NOTCH4: variants seen among roughly 807,000 people sequenced by gnomAD.
NOTCH4 encodes notch receptor 4, also known as neurogenic locus notch homolog protein 4.
In NOTCH4, 138 loss-of-function variants were observed where a neutral mutation model predicts 189.0. The observed-to-expected ratio is 0.73, with a 90% CI of 0.64 to 0.84. NOTCH4 has a LOEUF of 0.84. NOTCH4 is among the 40% of genes least tolerant of loss of function. The probability of loss-of-function intolerance (pLI) is 0.00; values close to 1 mark genes in which losing one functional copy is unlikely to be tolerated. For synonymous variants in NOTCH4, 942 were observed against 1,032.8 expected (o/e 0.91, Z 1.69); for missense variants, 2,286 against 2,605.4 (o/e 0.88, Z 2.67).
In NOTCH4 at chr6:32,198,797, C is replaced by A; in HGVS notation, c.4536-67G>T. 1 of 1,515,942 alleles carries A rather than the reference C, an allele frequency of 6.6e-7. No individual in the cohort carries two copies. The highest frequency in any genetic ancestry group is 1.3e-5 in the South Asian group (1 of 78,540). The allele number at this position is 1,515,942 out of a possible 1,614,324, so 93.9% of individuals were successfully genotyped here. A position where few individuals can be genotyped will look rare whatever the true frequency, so the allele number is the denominator to read the frequency against. On this transcript the variant is annotated intron_variant, in intron 24 of 29. Coordinates refer to ENST00000375023, the MANE Select transcript of NOTCH4 (RefSeq NM_004557.4). This position sits in a 1 kb window ranked among gnomAD's most constrained non-coding sequence, Gnocchi z 5.5. ...CCATCAGGGTCTCCAAAATTTCCAGCAGGCTTCCCACCCCTCTCTCCTTCC... is the reference window on the plus strand; with the variant it reads ...CCATCAGGGTCTCCAAAATTTCCAGAAGGCTTCCCACCCCTCTCTCCTTCC...
Position 32,212,988 on chromosome 6 carries a change from A to C in NOTCH4, c.2439-77T>G, listed in dbSNP as rs1183662520. On this transcript the variant is annotated intron_variant, in intron 15 of 29. Transcript: ENST00000375023. This position sits in a 1 kb window ranked among gnomAD's most constrained non-coding sequence, Gnocchi z 4.4. ...GAAGGTAGTGTGTGATATTGTCGGGAGGCAACCACAGGGAGGTGGCAAGCC... is the reference window on the plus strand; with the variant it reads ...GAAGGTAGTGTGTGATATTGTCGGGCGGCAACCACAGGGAGGTGGCAAGCC... 1.4e-6 allele frequency: 2 copies of C among 1,383,648 alleles called. No homozygotes were observed. Among genetic ancestry groups the C allele is most frequent in the Admixed American group, 3.6e-5 (2 of 54,820 alleles). The allele number at this position is 1,383,648 out of a possible 1,614,324, so 85.7% of individuals were successfully genotyped here.
Position 32,197,460 on chromosome 6 carries a change from C to T in NOTCH4, c.4891G>A (p.Val1631Met), listed in dbSNP as rs1425032163. The change falls in exon 27 of 30, where the codon GTG becomes ATG. Residue 1631 changes from valine (V) to methionine (M), a missense_variant. Coordinates refer to ENST00000375023, the MANE Select transcript of NOTCH4 (RefSeq NM_004557.4). The part of the protein sequence containing the change: ...DGGACPQAHT[V>M]GTGETPLHLA... ...TGCAGGGGGGTCTCCCCAGTGCCCA[C>T]GGTGTGAGCCTGGGGACAGGCCCCT... The T allele has an allele frequency of 5.1e-6, 8 of 1,579,508 alleles. No homozygotes were observed. The highest frequency in any genetic ancestry group is 6.9e-6 in the Non-Finnish European group (8 of 1,163,238).
Position 32,201,759 on chromosome 6 carries a change from T to C in NOTCH4, c.3756-259A>G. The C allele has an allele frequency of 2.4e-6, 1 of 413,268 alleles. No homozygotes were observed. The highest frequency in any genetic ancestry group is 4.2e-6 in the Non-Finnish European group (1 of 237,492). 25.6% of individuals were successfully genotyped at this position (413,268 alleles called of 1,614,324 possible). On this transcript the variant is annotated intron_variant, in intron 21 of 29. Coordinates refer to ENST00000375023, the MANE Select transcript of NOTCH4 (RefSeq NM_004557.4). The surrounding 1 kb of genome is among the most constrained non-coding windows in gnomAD (Gnocchi z 5.5). ...GTTTCTAAAGGAGAGTCCCAGGCCC[T>C]TTTCCCTCTGTGAGGTGCTGACTGC...
chr6:32,218,338 C>G lies in NOTCH4; in HGVS notation c.1511-230G>C, dbSNP rs117558297. ...GAACAGGGTGCTTGCTGGGGACCTG[C>G]GGGAGGACTACAAGGCTTTCTGGTG... On this transcript the variant is annotated intron_variant, in intron 8 of 29. Coordinates refer to ENST00000375023, the MANE Select transcript of NOTCH4 (RefSeq NM_004557.4). Among the ~76,000 whole-genome samples the G allele has an allele frequency of 2.3e-3, 351 of 152,238 alleles. 15 individuals carry two copies. In the East Asian group the frequency reaches 0.06, roughly 26 times the overall value.
chr6:32,202,261 G>A lies in NOTCH4; in HGVS notation c.3570C>T (p.Gly1190=). 6.3e-7 allele frequency: 1 copy of A among 1,583,314 alleles called. No individual in the cohort carries two copies. The highest frequency in any genetic ancestry group is 8.6e-7 in the Non-Finnish European group (1 of 1,159,876). ...GRSGDGACDA[G]CSGPGGNWDG... The stretch of plus-strand genomic sequence containing the variant: ...CCCAGTTTCCTCCCGGGCCACTGCA[G>A]CCAGCATCGCAGGCCCCATCTCCAC... Residue 1190 remains glycine (G), a synonymous_variant, in exon 21 of 30, where the codon GGC becomes GGT. Coordinates refer to ENST00000375023, the MANE Select transcript of NOTCH4 (RefSeq NM_004557.4). The surrounding 1 kb of genome is among the most constrained non-coding windows in gnomAD (Gnocchi z 5.7).
At position 32,201,201 on chromosome 6, in the gene NOTCH4, C is replaced by T. The variant is rs1788326102; in HGVS notation, c.4055G>A (p.Gly1352Glu). Residue 1352 changes from glycine (G) to glutamate (E), a missense_variant, in exon 22 of 30, where the codon GGA (glycine) becomes GAA (glutamate). By Grantham distance (98) the Gly-to-Glu change is moderately conservative. Coordinates refer to ENST00000375023, the MANE Select transcript of NOTCH4 (RefSeq NM_004557.4). The surrounding 1 kb of genome is among the most constrained non-coding windows in gnomAD (Gnocchi z 5.5). Reference protein sequence around the residue: ...YPGARAEEKLGGTRDPTYQER... With the variant: ...YPGARAEEKLEGTRDPTYQER... The stretch of plus-strand genomic sequence containing the variant: ...CTGATAGGTGGGGTCCCGAGTTCCT[C>T]CTAGCTTTTCTTCAGCCCGGGCCCC... The T allele has an allele frequency of 6.2e-7, 1 of 1,612,978 alleles. No homozygotes were observed. Among genetic ancestry groups the T allele is most frequent in the Admixed American group, 1.7e-5 (1 of 60,020 alleles).
rs1034091963 is a variant in NOTCH4, at chr6:32,212,801, C to T, written c.2526+23G>A. 146 of 1,505,774 alleles carry T rather than the reference C, an allele frequency of 9.7e-5. No individual in the cohort carries two copies. Among genetic ancestry groups the T allele is most frequent in the Non-Finnish European group, 1.2e-4 (140 of 1,123,602 alleles). 93.3% of individuals were successfully genotyped at this position (1,505,774 alleles called of 1,614,324 possible). A position where few individuals can be genotyped will look rare whatever the true frequency, so the allele number is the denominator to read the frequency against. ...CTCCCAGCCACTTCCCTCCTCAGCACGCCTGACTTCAATGGCCCTCACCTG... is the reference window on the plus strand; with the variant it reads ...CTCCCAGCCACTTCCCTCCTCAGCATGCCTGACTTCAATGGCCCTCACCTG... On this transcript the variant is annotated intron_variant, in intron 16 of 29. Transcript: ENST00000375023. This position sits in a 1 kb window ranked among gnomAD's most constrained non-coding sequence, Gnocchi z 4.4.
At position 32,196,428 on chromosome 6, in the gene NOTCH4, G is replaced by T. The variant is rs576786321; in HGVS notation, c.5201-7C>A. 1.2e-5 allele frequency: 19 copies of T among 1,612,746 alleles called. No individual in the cohort carries two copies. The highest frequency in any genetic ancestry group is 1.6e-5 in the Non-Finnish European group (19 of 1,179,900). ...CAGTGCAGCGCAGTTTTCCCTAGGGGACGACGTGGGAGGTTGTTACCCCAG... is the reference window on the plus strand; with the variant it reads ...CAGTGCAGCGCAGTTTTCCCTAGGGTACGACGTGGGAGGTTGTTACCCCAG... On this transcript the variant is annotated splice_polypyrimidine_tract_variant and splice_region_variant and intron_variant, in intron 28 of 29. Coordinates refer to ENST00000375023, the MANE Select transcript of NOTCH4 (RefSeq NM_004557.4).
In NOTCH4 at chr6:32,201,338, TG is replaced by T. The variant is rs1263727065; in HGVS notation, c.3917del (p.Pro1306GlnfsTer3). The T allele has an allele frequency of 6.2e-7, 1 of 1,611,472 alleles. No homozygotes were observed. The highest frequency in any genetic ancestry group is 8.5e-7 in the Non-Finnish European group (1 of 1,179,048). On this transcript the variant is annotated frameshift_variant, in exon 22 of 30. Transcript: ENST00000375023. LOFTEE classifies it high-confidence loss of function. This position sits in a 1 kb window ranked among gnomAD's most constrained non-coding sequence, Gnocchi z 5.5. ...GGGCAAACAGCTGCTGGTCTAGGGC[TG>T]GGGGGCTCAGTACCACCAGCAGGGC... is the stretch of plus-strand genomic sequence containing the variant. ...SLALLVVLSP[P>X]ALDQQLFALA... is the part of the protein sequence containing the mutation.
rs1399752472 is a variant in NOTCH4, at chr6:32,202,371, C to G, written c.3460G>C (p.Gly1154Arg). 13 of 1,612,752 alleles carry G rather than the reference C, an allele frequency of 8.1e-6. No homozygotes were observed. Among genetic ancestry groups the G allele is most frequent in the Non-Finnish European group, 1.1e-5 (13 of 1,179,930 alleles). Reference sequence around the variant, plus strand: ...GGGCAGGAGCATCGAAAGCCTGGGCCCCCCAAGCCCGTGGTCTCTGAGCAG... The same window carrying G: ...GGGCAGGAGCATCGAAAGCCTGGGCGCCCCAAGCCCGTGGTCTCTGAGCAG... ...GSCSETTGLGGPGFRCSCPHS... is the reference protein window; with the variant it reads ...GSCSETTGLGRPGFRCSCPHS... The change falls in exon 21 of 30, where the codon GGC (glycine) becomes CGC (arginine). Residue 1154 changes from glycine to arginine, a missense_variant. Transcript: ENST00000375023. This position sits in a 1 kb window ranked among gnomAD's most constrained non-coding sequence, Gnocchi z 5.7.
At position 32,199,179 on chromosome 6, in the gene NOTCH4, A is replaced by G. The variant is rs17201728; in HGVS notation, c.4316-34T>C. 171 of 1,475,476 alleles carry G rather than the reference A, an allele frequency of 1.2e-4. 1 individual carries two copies. The African/African-American group carries it at 2.0e-3, about 18-fold the overall frequency. The allele number at this position is 1,475,476 out of a possible 1,614,324, so 91.4% of individuals were successfully genotyped here. ...AGAGACAGAGTCACAAAGAGAGGCC[A>G]CTCCTGGTGAGACTGATTACTATTG... is the stretch of plus-strand genomic sequence containing the variant. On this transcript the variant is annotated intron_variant, in intron 23 of 29. Transcript: ENST00000375023. The surrounding 1 kb of genome is among the most constrained non-coding windows in gnomAD (Gnocchi z 4.9).
chr6:32,214,781 A>G (rs1789298683), intron 12 of NOTCH4, among the ~76,000 whole-genome samples: 1 of 151,954 alleles, frequency 6.6e-6, no homozygotes, highest in Non-Finnish European at 1.5e-5. Context: ...GTGCGCCACC[A>G]TGCCCAGCTA....
chr6:32,224,023 A>G lies in NOTCH4; in HGVS notation c.-95T>C. On this transcript the variant is annotated 5_prime_UTR_variant, in exon 1 of 30. Coordinates refer to ENST00000375023, the MANE Select transcript of NOTCH4 (RefSeq NM_004557.4). ...GGCAGGAGCCACCTCCTCTGCTCCCACTGCCCCTCTTCTTCCTCCTCGGCC... is the reference window on the plus strand; with the variant it reads ...GGCAGGAGCCACCTCCTCTGCTCCCGCTGCCCCTCTTCTTCCTCCTCGGCC... 6 of 1,270,720 alleles carry G rather than the reference A, an allele frequency of 4.7e-6. No homozygotes were observed. The highest frequency in any genetic ancestry group is 6.4e-6 in the Non-Finnish European group (6 of 941,206). 78.7% of individuals were successfully genotyped at this position (1,270,720 alleles called of 1,614,324 possible).
intron 18 of NOTCH4, among the ~76,000 whole-genome samples, chr6:32,206,381 A>G (rs2127471604): frequency 6.6e-6 from 1 of 152,286 alleles, no homozygotes; most frequent in Non-Finnish European, 1.5e-5. Context: ...ATGTAGAAAA[A>G]GTAGTAGCAT....
rs1269608484 is a variant in NOTCH4 at position 32,200,894 on chromosome 6, C to T, written c.4252G>A (p.Val1418Met). ...LLRFLAAMAA[V>M]GALEPLLPGP... ...GGCAGCAGGGGCTCCAGGGCTCCCA[C>T]TGCAGCCATCGCAGCAAGGAAGCGG... Residue 1418 changes from valine to methionine, a missense_variant, in exon 23 of 30, where the codon GTG becomes ATG. This residue lies in a region of NOTCH4 where 1,903 missense variants were observed against 2,261.9 expected (regional missense o/e 0.84). Transcript: ENST00000375023. The surrounding 1 kb of genome is among the most constrained non-coding windows in gnomAD (Gnocchi z 5.0). 2 of 1,609,444 alleles carry T rather than the reference C, an allele frequency of 1.2e-6. No individual in the cohort carries two copies. Among genetic ancestry groups the T allele is most frequent in the African/African-American group, 1.3e-5 (1 of 74,924 alleles).
intron 12 of NOTCH4, among the ~76,000 whole-genome samples, chr6:32,214,466 G>GATATATATATATATATATATATAT (rs1554151235): frequency 1.7e-4 from 20 of 116,650 alleles, no homozygotes; most frequent in East Asian, 7.7e-4. Context: ...TCTAGTTGGA[G>GATATATATATATATATATATATAT]ATATATATAT....
intron 12 of NOTCH4, 51 bp downstream of exon 12, chr6:32,215,175 C>T (rs548440313): frequency 3.7e-5 from 55 of 1,488,544 alleles, no homozygotes; most frequent in African/African-American, 2.1e-4. Flanking sequence ...CCTGTCCTAG[C>T]GAAGGGAGCC....
chr6:32,204,438 A>G (rs1428688732), intron 18 of NOTCH4, 49 bp from the exon 19 acceptor site: 2 of 1,591,570 alleles, frequency 1.3e-6, no homozygotes, highest in Admixed American at 1.7e-5. Flanking sequence ...AGCCCAACCC[A>G]GCACTACAAG....
chr6:32,195,894 G>A lies in NOTCH4; in HGVS notation c.5555C>T (p.Pro1852Leu). Residue 1852 changes from proline (P) to leucine (L), a missense_variant, in exon 30 of 30, where the codon CCG becomes CTG. By Grantham distance (98) the Pro-to-Leu change is moderately conservative. Coordinates refer to ENST00000375023, the MANE Select transcript of NOTCH4 (RefSeq NM_004557.4). This position sits in a 1 kb window ranked among gnomAD's most constrained non-coding sequence, Gnocchi z 5.4. ...RARTVSVSVP[P>L]HGGGALPRCR... The stretch of plus-strand genomic sequence containing the variant: ...GCGCGGCAGAGCCCCGCCCCCATGC[G>A]GGGGCACGCTTACTGACACCGTCCG... The A allele has an allele frequency of 6.3e-7, 1 of 1,588,128 alleles. No individual in the cohort carries two copies. Among genetic ancestry groups the A allele is most frequent in the Non-Finnish European group, 8.5e-7 (1 of 1,174,826 alleles).
Sources: allele counts gnomAD v4.1 joint callset (sites outside exome capture counted in the v4.1 genomes callset), GRCh38; gene constraint gnomAD v4.1.1; regional missense constraint gnomAD v4.1.1; non-coding constraint Gnocchi (gnomAD v3.1); transcripts MANE v1.5; gene names NCBI Gene and HGNC (gene_info 2026-07-23, HGNC 2026-07-21).